Variants in SHROOM3 observed in about 807,000 individuals in gnomAD.
The protein encoded by SHROOM3 is protein Shroom3.
SHROOM3 carries 47 observed loss-of-function variants against 138.6 expected under a neutral mutation model. The ratio of observed to expected loss-of-function variants is 0.34; its 90% confidence interval spans 0.27 to 0.43. The LOEUF is 0.43. Among genes scored for constraint, SHROOM3 ranks in the 20% least tolerant of loss-of-function variants. The pLI is 1.00. For synonymous variants in SHROOM3, 1,062 were observed against 1,063.3 expected, an observed-to-expected ratio of 1.00 and a Z score of 0.02; for missense variants, 2,491 against 2,596.5, an observed-to-expected ratio of 0.96 and a Z score of 0.88.
At chr4:76,563,145 T>C (rs972232173) in intron 2 of SHROOM3, among the ~76,000 whole-genome samples, 8 of 152,200 alleles carry the variant, frequency 5.3e-5, no homozygotes, top group Admixed American at 3.3e-4. Flanking sequence ...AGATAGTATA[T>C]ATAAAATGTT....
intron 1 of SHROOM3, among the ~76,000 whole-genome samples, chr4:76,510,445 C>T (rs1732310454): frequency 1.3e-5 from 2 of 152,322 alleles, no homozygotes; most frequent in East Asian, 1.9e-4. Flanking sequence ...AGTTACTTAA[C>T]CTCTCTAAGC....
Position 76,763,256 on chromosome 4 carries a change from G to A in SHROOM3, c.5349+3561G>A, listed in dbSNP as rs181794606. ...TAAAAAATTAGCCAGGTGTGTTGGCGCACAACTGTAATCCCAGCTACTCGG... is the reference window on the plus strand; with the variant it reads ...TAAAAAATTAGCCAGGTGTGTTGGCACACAACTGTAATCCCAGCTACTCGG... On this transcript the variant is annotated intron_variant, in intron 9 of 10. Transcript: ENST00000296043. Among the ~76,000 whole-genome samples, 134 of 151,962 alleles carry A rather than the reference G, an allele frequency of 8.8e-4. 2 individuals are homozygous for A. Among genetic ancestry groups the A allele is most frequent in the Admixed American group, 2.8e-3 (43 of 15,262 alleles).
At chr4:76,689,779 G>C in intron 2 of SHROOM3, 5 of 980,044 alleles carry the variant, frequency 5.1e-6, no homozygotes, top group Non-Finnish European at 6.1e-6. Flanking sequence ...GTCTATTTCG[G>C]GCTCTGCGGC....
At chr4:76,453,001 A>G (rs1268570685) in intron 1 of SHROOM3, among the ~76,000 whole-genome samples, 3 of 152,178 alleles carry the variant, frequency 2.0e-5, no homozygotes, top group African/African-American at 4.8e-5. Flanking sequence ...TACAGGCGTG[A>G]GCCACCGTGC....
chr4:76,605,974 C>CATATAT (rs1239691520), intron 2 of SHROOM3, among the ~76,000 whole-genome samples: 28 of 130,236 alleles, frequency 2.1e-4, no homozygotes, highest in African/African-American at 7.0e-4. Context: ...TATATATACA[C>CATATAT]ATATACACAC....
chr4:76,543,729 T>G (rs1733154733), intron 1 of SHROOM3, among the ~76,000 whole-genome samples: 1 of 152,212 alleles, frequency 6.6e-6, no homozygotes, highest in Non-Finnish European at 1.5e-5. Context: ...ACGTGTTTTT[T>G]CTGCTCAAAA....
chr4:76,590,066 T>TC (rs2110048318), intron 2 of SHROOM3, among the ~76,000 whole-genome samples: 1 of 152,298 alleles, frequency 6.6e-6, no homozygotes, highest in Admixed American at 6.5e-5. Flanking sequence ...AGCAGTTCTC[T>TC]CTGGGCACTA....
chr4:76,767,366 A>G (rs1206759033), intron 9 of SHROOM3, among the ~76,000 whole-genome samples: 1 of 152,234 alleles, frequency 6.6e-6, no homozygotes, highest in Non-Finnish European at 1.5e-5. Flanking sequence ...ATTGATAAGC[A>G]TCACACATGT....
chr4:76,620,622 T>C (rs1734983457), intron 2 of SHROOM3, among the ~76,000 whole-genome samples: 1 of 152,024 alleles, frequency 6.6e-6, no homozygotes, highest in Non-Finnish European at 1.5e-5. Flanking sequence ...GATTTGGCAA[T>C]TGAGGTGGAG....
At position 76,756,405 on chromosome 4, in the gene SHROOM3, T is replaced by TC. The variant is rs1553950015; in HGVS notation, c.4710-44_4710-43insC. 1.9e-3 allele frequency: 2,846 copies of TC among 1,474,712 alleles called. 20 individuals carry two copies. In the African/African-American group the frequency reaches 0.026, roughly 13 times the overall value. 91.4% of individuals were successfully genotyped at this position (1,474,712 alleles called of 1,614,324 possible). A position where few individuals can be genotyped will look rare whatever the true frequency, so the allele number is the denominator to read the frequency against. On this transcript the variant is annotated intron_variant, in intron 7 of 10. Coordinates refer to ENST00000296043, the MANE Select transcript of SHROOM3 (RefSeq NM_020859.4). Reference sequence around the variant, plus strand: ...TCACCCTTCTCTTATCACTCTCTCTTTCTCTCTCTCTCTTTTTTTTTTTTT... The same window carrying TC: ...TCACCCTTCTCTTATCACTCTCTCTTCTCTCTCTCTCTCTTTTTTTTTTTTT...
intron 2 of SHROOM3, among the ~76,000 whole-genome samples, chr4:76,651,462 C>A (rs1309528482): frequency 2.5e-5 from 3 of 120,868 alleles, no homozygotes; most frequent in East Asian, 2.2e-4. Flanking sequence ...TATGTACCCA[C>A]AAAAAATGAA....
intron 1 of SHROOM3, among the ~76,000 whole-genome samples, chr4:76,474,275 C>A (rs1374509383): frequency 6.6e-6 from 1 of 152,058 alleles, no homozygotes; most frequent in African/African-American, 2.4e-5. Context: ...TTGTCAGGGA[C>A]TATGGGGGAG....
At chr4:76,742,995 G>A (rs4276307) in intron 5 of SHROOM3, among the ~76,000 whole-genome samples, 75,620 of 152,042 alleles carry the variant, frequency 0.5, 19,810 homozygotes, top group African/African-American at 0.66. Context: ...GGAGTTCACA[G>A]TTAAGCAAGG....
chr4:76,568,249 T>C lies in SHROOM3; in HGVS notation c.323+12486T>C, dbSNP rs77865603. Among the ~76,000 whole-genome samples, 695 of 152,352 alleles carry C rather than the reference T, an allele frequency of 4.6e-3. 11 individuals carry two copies. The highest frequency in any genetic ancestry group is 0.016 in the African/African-American group (655 of 41,582). On this transcript the variant is annotated intron_variant, in intron 2 of 10. Coordinates refer to ENST00000296043, the MANE Select transcript of SHROOM3 (RefSeq NM_020859.4). ...TTACAACATTTACTACTGAGGGCCC[T>C]TGGACAAGTTAATTGCCCTGTGCCA...
At chr4:76,629,458 A>G (rs1735248602) in intron 2 of SHROOM3, among the ~76,000 whole-genome samples, 1 of 152,218 alleles carries the variant, frequency 6.6e-6, no homozygotes, top group African/African-American at 2.4e-5. Context: ...GAAAGGTTGC[A>G]GGGTTTTGAG....
chr4:76,772,090 C>CT (rs71641479), intron 10 of SHROOM3, among the ~76,000 whole-genome samples: 8,605 of 145,780 alleles, frequency 0.059, 274 homozygotes, highest in Non-Finnish European at 0.071. Context: ...ATGCTACCAT[C>CT]TTTTTTCTTT....
rs1721771068 is a variant in SHROOM3 at position 76,755,339 on chromosome 4, C to CTCAGGAGGTAGTTGGACCAG, written c.4709+149_4709+168dup. 3 of 1,028,350 alleles carry CTCAGGAGGTAGTTGGACCAG rather than the reference C, an allele frequency of 2.9e-6. No homozygotes were observed. In the African/African-American group the frequency reaches 4.8e-5, roughly 16 times the overall value. The allele number at this position is 1,028,350 out of a possible 1,614,324, so 63.7% of individuals were successfully genotyped here. Reference sequence around the variant, plus strand: ...CTCAGGACACTGTTGATCTGTTTGCCTCAGGAGGTAGTTGGACCAGTGTCA... The same window carrying CTCAGGAGGTAGTTGGACCAG: ...CTCAGGACACTGTTGATCTGTTTGCCTCAGGAGGTAGTTGGACCAGTCAGGAGGTAGTTGGACCAGTGTCA... On this transcript the variant is annotated intron_variant, in intron 7 of 10. Transcript: ENST00000296043.
intron 3 of SHROOM3, among the ~76,000 whole-genome samples, chr4:76,726,539 T>C (rs367815518): frequency 1.4e-4 from 5 of 35,590 alleles, no homozygotes; most frequent in Non-Finnish European, 2.8e-4. Flanking sequence ...ATCCCCTCCA[T>C]CTAAAAAAAA....
chr4:76,735,186 ATG>A (rs1446951579), intron 4 of SHROOM3, among the ~76,000 whole-genome samples: 1 of 152,198 alleles, frequency 6.6e-6, no homozygotes, highest in African/African-American at 2.4e-5. Context: ...GGCTGGCTTT[ATG>A]TGAGTTGGAA....
Sources: allele counts gnomAD v4.1 joint callset (sites outside exome capture counted in the v4.1 genomes callset), GRCh38; gene constraint gnomAD v4.1.1; transcripts MANE v1.5; gene names NCBI Gene and HGNC (gene_info 2026-07-23, HGNC 2026-07-21).